Variants in FAM193A observed in about 807,000 individuals in gnomAD.
The protein encoded by FAM193A is protein FAM193A.
Under a neutral mutation model 126.5 loss-of-function variants are expected in FAM193A, and 22 were observed. The observed-to-expected ratio is 0.17, with a 90% CI of 0.12 to 0.25. FAM193A has a LOEUF of 0.25. Among genes scored for constraint, FAM193A ranks in the 10% least tolerant of loss-of-function variants. The pLI is 1.00. For synonymous variants in FAM193A, 761 were observed against 646.8 expected (o/e 1.18, Z -2.68); for missense variants, 1,675 against 1,672.8 (o/e 1.00, Z -0.02).
At chr4:2,547,095 C>T (rs933125107) in intron 1 of FAM193A, among the ~76,000 whole-genome samples, 1 of 152,082 alleles carries the variant, frequency 6.6e-6, no homozygotes. Context: ...TTTTAAAAAA[C>T]CCTTTTTGTG....
Position 2,695,009 on chromosome 4 carries a change from G to A in FAM193A, c.3156G>A (p.Gly1052=), listed in dbSNP as rs756382166. The part of the protein sequence containing the change: ...NGVYDPQQDD[G]DESADEDSCS... The stretch of plus-strand genomic sequence containing the variant: ...TCTACGACCCACAGCAGGATGATGG[G>A]GACGAGAGTGCAGATGAGGACAGCT... Residue 1052 remains glycine, a synonymous_variant, in exon 17 of 21, where the codon GGG becomes GGA. Coordinates refer to ENST00000637812, the MANE Select transcript of FAM193A (RefSeq NM_001366318.2). 3 of 1,609,994 alleles carry A rather than the reference G, an allele frequency of 1.9e-6. No individual in the cohort carries two copies. Among genetic ancestry groups the A allele is most frequent in the Non-Finnish European group, 2.5e-6 (3 of 1,178,346 alleles).
intron 1 of FAM193A, among the ~76,000 whole-genome samples, chr4:2,561,558 G>A (rs1247042264): frequency 2.0e-5 from 3 of 149,438 alleles, no homozygotes; most frequent in South Asian, 4.2e-4. Context: ...GTGCAGTGGC[G>A]CAATCTCGGC....
At chr4:2,591,540 A>G (rs146873028) in intron 1 of FAM193A, among the ~76,000 whole-genome samples, 428 of 152,260 alleles carry the variant, frequency 2.8e-3, no homozygotes, top group African/African-American at 7.8e-3. Context: ...TGTCTCCTGC[A>G]TTAGCCTTCA....
intron 12 of FAM193A, among the ~76,000 whole-genome samples, chr4:2,668,266 T>C (rs1385257234): frequency 6.7e-6 from 1 of 149,982 alleles, no homozygotes; most frequent in Non-Finnish European, 1.5e-5. Context: ...CAGGCTGGAG[T>C]GCAGTGGCGC....
intron 1 of FAM193A, among the ~76,000 whole-genome samples, chr4:2,585,345 G>A (rs1740174294): frequency 6.6e-6 from 1 of 152,208 alleles, no homozygotes; most frequent in Non-Finnish European, 1.5e-5. Context: ...TACCAGCAGT[G>A]CTTGAGAGTT....
chr4:2,609,854 G>A (rs752101622), intron 2 of FAM193A, among the ~76,000 whole-genome samples: 5 of 151,896 alleles, frequency 3.3e-5, no homozygotes, highest in Non-Finnish European at 5.9e-5. Flanking sequence ...CCTCTAACCC[G>A]GGAGGCTGAG....
intron 19 of FAM193A, among the ~76,000 whole-genome samples, chr4:2,711,081 T>A (rs1483721624): frequency 6.6e-6 from 1 of 151,302 alleles, no homozygotes; most frequent in Non-Finnish European, 1.5e-5. Context: ...CTCGATCTCC[T>A]GACCTTGTGA....
intron 1 of FAM193A, among the ~76,000 whole-genome samples, chr4:2,569,512 C>CT (rs1739168024): frequency 6.6e-6 from 1 of 151,956 alleles, no homozygotes; most frequent in Non-Finnish European, 1.5e-5. Context: ...AAAACAAATT[C>CT]TTTTTGAGAC....
chr4:2,695,204 T>A, intron 17 of FAM193A, 75 bp downstream of exon 17: 1 of 1,314,182 alleles, frequency 7.6e-7, no homozygotes, highest in Non-Finnish European at 1.0e-6. Flanking sequence ...AATTCTGTAC[T>A]AGGTTGAATT....
At chr4:2,700,975 T>TAGAG (rs59346372) in intron 19 of FAM193A, among the ~76,000 whole-genome samples, 4 of 151,306 alleles carry the variant, frequency 2.6e-5, no homozygotes, top group African/African-American at 4.9e-5. Context: ...AAAATACATA[T>TAGAG]AGAGAGAGAG....
intron 1 of FAM193A, among the ~76,000 whole-genome samples, chr4:2,542,848 C>G (rs1232663868): frequency 6.6e-6 from 1 of 152,178 alleles, no homozygotes; most frequent in African/African-American, 2.4e-5. Flanking sequence ...GTGCGGGACA[C>G]AGCACTATGT....
At chr4:2,545,079 G>T (rs1367633288) in intron 1 of FAM193A, among the ~76,000 whole-genome samples, 1 of 151,712 alleles carries the variant, frequency 6.6e-6, no homozygotes, top group African/African-American at 2.4e-5. Flanking sequence ...TGCAACCTCT[G>T]CCTCCTGGGT....
intron 1 of FAM193A, among the ~76,000 whole-genome samples, chr4:2,581,677 G>A (rs890188254): frequency 6.6e-6 from 1 of 151,870 alleles, no homozygotes; most frequent in Admixed American, 6.6e-5. Context: ...ACGGAGTCTC[G>A]CTCTGTCTTG....
chr4:2,589,926 G>A (rs1285896107), intron 1 of FAM193A, among the ~76,000 whole-genome samples: 2 of 151,938 alleles, frequency 1.3e-5, no homozygotes, highest in Non-Finnish European at 2.9e-5. Flanking sequence ...CACGAGGTCA[G>A]GAATTTGAGA....
At position 2,681,972 on chromosome 4, in the gene FAM193A, G is replaced by GTT. The variant is rs1179426155; in HGVS notation, c.2332-7522_2332-7521dup. Among the ~76,000 whole-genome samples the GTT allele has an allele frequency of 4.7e-3, 607 of 129,174 alleles. 4 individuals carry two copies. The highest frequency in any genetic ancestry group is 0.015 in the African/African-American group (510 of 34,838). 84.7% of individuals were successfully genotyped at this position (129,174 alleles called of 152,430 possible). On this transcript the variant is annotated intron_variant, in intron 13 of 20. Coordinates refer to ENST00000637812, the MANE Select transcript of FAM193A (RefSeq NM_001366318.2). ...ATCCCTTTACTTTTAACTTCTCAGG[G>GTT]TTTTTTTTTTTTTGGTTTTTTTTTT...
At chr4:2,589,231 A>G (rs1435300850) in intron 1 of FAM193A, among the ~76,000 whole-genome samples, 2 of 152,254 alleles carry the variant, frequency 1.3e-5, no homozygotes, top group African/African-American at 2.4e-5. Flanking sequence ...TTATGTAACT[A>G]TAGTTCCAGC....
chr4:2,561,086 T>A (rs1738585171), intron 1 of FAM193A, among the ~76,000 whole-genome samples: 1 of 152,268 alleles, frequency 6.6e-6, no homozygotes, highest in African/African-American at 2.4e-5. Flanking sequence ...TTTGGTGAAC[T>A]TTTATGTCCT....
At chr4:2,622,482 A>G (rs1361811138) in intron 2 of FAM193A, among the ~76,000 whole-genome samples, 1 of 151,328 alleles carries the variant, frequency 6.6e-6, no homozygotes, top group African/African-American at 2.5e-5. Context: ...TTTTTGGCCC[A>G]CTAGCGCTAG....
chr4:2,679,619 C>G (rs1714862141), intron 13 of FAM193A, among the ~76,000 whole-genome samples: 1 of 151,836 alleles, frequency 6.6e-6, no homozygotes, highest in African/African-American at 2.4e-5. Context: ...CTCAGGTGAT[C>G]CACCCGCCTC....
Sources: allele counts gnomAD v4.1 joint callset (sites outside exome capture counted in the v4.1 genomes callset), GRCh38; gene constraint gnomAD v4.1.1; transcripts MANE v1.5; gene names NCBI Gene and HGNC (gene_info 2026-07-23, HGNC 2026-07-21).